Variants in CPA3 observed in about 807,000 individuals in gnomAD.
CPA3 encodes mast cell carboxypeptidase A.
CPA3 carries 52 observed loss-of-function variants against 55.8 expected under a neutral mutation model. The observed-to-expected ratio is 0.93, with a 90% confidence interval of 0.75 to 1.17. The LOEUF is 1.17. Among genes scored for constraint, CPA3 ranks in the 50% most tolerant of loss-of-function variants. The pLI is 0.00. For missense variants in CPA3, 547 were observed against 509.1 expected (o/e 1.07, Z -0.72); for synonymous variants, 179 against 171.2 (o/e 1.05, Z -0.36).
chr3:148,877,535 T>C (rs1714242180), intron 3 of CPA3, among the ~76,000 whole-genome samples: 1 of 151,842 alleles, frequency 6.6e-6, no homozygotes, highest in Admixed American at 6.6e-5. Flanking sequence ...AATAGGAAGA[T>C]AAGGTGTAAG....
At chr3:148,879,737 A>T (rs1292629866) in intron 5 of CPA3, 51 bp from the exon 6 acceptor site, 3 of 1,198,478 alleles carry the variant, frequency 2.5e-6, no homozygotes, top group Non-Finnish European at 3.7e-6. Flanking sequence ...TCAACAAGGG[A>T]TCAATGTGTG....
At chr3:148,888,122 C>T (rs1043780174) in intron 10 of CPA3, among the ~76,000 whole-genome samples, 2 of 152,170 alleles carry the variant, frequency 1.3e-5, no homozygotes, top group Non-Finnish European at 2.9e-5. Flanking sequence ...TTCAGGATTC[C>T]TTGCAACAAT....
At chr3:148,891,078 T>TCTACTAG (rs1714652558) in intron 10 of CPA3, among the ~76,000 whole-genome samples, 1 of 152,162 alleles carries the variant, frequency 6.6e-6, no homozygotes, top group Non-Finnish European at 1.5e-5. Flanking sequence ...GATTCGACCA[T>TCTACTAG]CTACTAGCTA....
At chr3:148,874,792 A>G (rs1447211857) in intron 3 of CPA3, among the ~76,000 whole-genome samples, 3 of 152,250 alleles carry the variant, frequency 2.0e-5, no homozygotes. Flanking sequence ...TGTCAGTGTC[A>G]TAGCTCATTA....
intron 3 of CPA3, among the ~76,000 whole-genome samples, chr3:148,873,391 A>T (rs1449771389): frequency 1.3e-5 from 2 of 151,880 alleles, no homozygotes; most frequent in African/African-American, 4.8e-5. Context: ...ACACACACAC[A>T]CACACACACC....
chr3:148,881,421 G>T, intron 6 of CPA3, 101 bp from the exon 7 acceptor site: 1 of 634,564 alleles, frequency 1.6e-6, no homozygotes, highest in South Asian at 2.2e-5. Context: ...GAAAACATGT[G>T]ACCTTGGGAA....
In CPA3 at chr3:148,878,633, A is replaced by G. The variant is rs774374687; in HGVS notation, c.373-14A>G. 6.3e-7 allele frequency: 1 copy of G among 1,589,408 alleles called. No homozygotes were observed. The highest frequency in any genetic ancestry group is 2.2e-5 in the East Asian group (1 of 44,676). On this transcript the variant is annotated splice_polypyrimidine_tract_variant and intron_variant, in intron 4 of 10. Transcript: ENST00000296046. ...CTTTTATTCTAATTTCTCAAAATTG[A>G]TTTTGCTCTTAAGATTGTGGCTTGG...
chr3:148,873,544 G>A (rs1576580281), intron 3 of CPA3, among the ~76,000 whole-genome samples: 1 of 152,298 alleles, frequency 6.6e-6, no homozygotes, highest in East Asian at 1.9e-4. Flanking sequence ...CTTGCTCCCT[G>A]ACCTTGGGAC....
chr3:148,891,464 A>G (rs1301429561), intron 10 of CPA3, among the ~76,000 whole-genome samples: 1 of 148,000 alleles, frequency 6.8e-6, no homozygotes, highest in Non-Finnish European at 1.5e-5. Flanking sequence ...AAGGTAACAG[A>G]GCAAGACCCT....
chr3:148,875,529 C>T (rs1714179414), intron 3 of CPA3, among the ~76,000 whole-genome samples: 1 of 152,084 alleles, frequency 6.6e-6, no homozygotes, highest in South Asian at 2.1e-4. Flanking sequence ...TTTTCTAAGT[C>T]CTTCTGTCTA....
chr3:148,874,745 G>C (rs995769351), intron 3 of CPA3, among the ~76,000 whole-genome samples: 3 of 152,168 alleles, frequency 2.0e-5, no homozygotes, highest in African/African-American at 7.2e-5. Context: ...CAGTCAATCA[G>C]CAAGGAGAAA....
chr3:148,871,962 C>T (rs1714079001), intron 3 of CPA3, among the ~76,000 whole-genome samples: 2 of 152,152 alleles, frequency 1.3e-5, no homozygotes, highest in South Asian at 2.1e-4. Context: ...AACATCTGGT[C>T]GGACCCAGGC....
At chr3:148,896,297 C>T (rs577883616) in intron 10 of CPA3, among the ~76,000 whole-genome samples, 1 of 152,158 alleles carries the variant, frequency 6.6e-6, no homozygotes, top group South Asian at 2.1e-4. Flanking sequence ...ACTCACCCAA[C>T]CAAAATGTAA....
intron 3 of CPA3, among the ~76,000 whole-genome samples, chr3:148,869,371 T>C (rs1027117204): frequency 6.6e-5 from 10 of 152,128 alleles, no homozygotes; most frequent in African/African-American, 2.2e-4. Flanking sequence ...ATGTCATCAC[T>C]ACTGACAGGT....
At chr3:148,885,025 A>G (rs1257464561) in intron 9 of CPA3, among the ~76,000 whole-genome samples, 1 of 152,246 alleles carries the variant, frequency 6.6e-6, no homozygotes, top group Non-Finnish European at 1.5e-5. Context: ...ATTAAAATTC[A>G]TTCTGACAAT....
chr3:148,896,743 C>CT lies in CPA3; in HGVS notation c.*42dup. The CT allele has an allele frequency of 7.1e-7, 1 of 1,411,218 alleles. No homozygotes were observed. Among genetic ancestry groups the CT allele is most frequent in the Non-Finnish European group, 9.5e-7 (1 of 1,055,518 alleles). 87.4% of individuals were successfully genotyped at this position (1,411,218 alleles called of 1,614,324 possible). On this transcript the variant is annotated 3_prime_UTR_variant, in exon 11 of 11. Transcript: ENST00000296046. ...TCTGTTTGGAATAAGCCAATTAATCCTTTTTTGTGCCTTTCATCAGAAAGT... is the reference window on the plus strand; with the variant it reads ...TCTGTTTGGAATAAGCCAATTAATCCTTTTTTTGTGCCTTTCATCAGAAAGT...
intron 2 of CPA3, among the ~76,000 whole-genome samples, chr3:148,866,507 G>A (rs1434427257): frequency 6.6e-6 from 1 of 152,268 alleles, no homozygotes; most frequent in Admixed American, 6.5e-5. Flanking sequence ...TCCGTTTGAG[G>A]GTCATTACTA....
intron 10 of CPA3, among the ~76,000 whole-genome samples, chr3:148,892,534 T>C (rs912650901): frequency 6.6e-6 from 1 of 151,832 alleles, no homozygotes; most frequent in Non-Finnish European, 1.5e-5. Flanking sequence ...GCACCTGTAG[T>C]CCCAGCTACT....
chr3:148,888,809 G>T (rs1714598280), intron 10 of CPA3, among the ~76,000 whole-genome samples: 2 of 152,184 alleles, frequency 1.3e-5, no homozygotes, highest in Admixed American at 1.3e-4. Flanking sequence ...GCATAGCATT[G>T]CATTAAGACC....
Sources: allele counts gnomAD v4.1 joint callset (sites outside exome capture counted in the v4.1 genomes callset), GRCh38; gene constraint gnomAD v4.1.1; transcripts MANE v1.5; gene names NCBI Gene and HGNC (gene_info 2026-07-23, HGNC 2026-07-21).